The following SGPP1 variants were observed in gnomAD, a reference collection of about 807,000 sequenced individuals.
The protein encoded by SGPP1 is sphingosine-1-phosphate phosphatase 1.
A neutral mutation model predicts 33.0 loss-of-function variants in SGPP1; 21 were observed. That is an observed-to-expected ratio of 0.64 (90% confidence interval 0.45 to 0.92). SGPP1 has a LOEUF of 0.92. Among genes scored for constraint, SGPP1 ranks in the 40% least tolerant of loss-of-function variants. The pLI, the probability that SGPP1 is intolerant of heterozygous loss-of-function variation, is 0.00. For missense variants in SGPP1, 543 were observed against 589.4 expected (o/e 0.92, Z 0.81); for synonymous variants, 239 against 241.2 (o/e 0.99, Z 0.08).
At position 63,727,496 on chromosome 14, in the gene SGPP1, A is replaced by C; in HGVS notation, c.449T>G (p.Phe150Cys). 1 of 1,614,116 alleles carries C rather than the reference A, an allele frequency of 6.2e-7. No individual in the cohort carries two copies. The highest frequency in any genetic ancestry group is 2.2e-5 in the East Asian group (1 of 44,874). ...CAGAGGGTCCAGGTTCCAGATCCAG[A>C]AGGGGAAGAACAGGATGTAGAAGAG... ...NELFYILFFPFWIWNLDPLVG... is the reference protein window; with the variant it reads ...NELFYILFFPCWIWNLDPLVG... Residue 150 changes from phenylalanine (F) to cysteine (C), a missense_variant, in exon 1 of 3, where the codon TTC (phenylalanine) becomes TGC (cysteine). Transcript: ENST00000247225.
At chr14:63,719,316 A>AT (rs762038679) in intron 1 of SGPP1, among the ~76,000 whole-genome samples, 1 of 150,426 alleles carries the variant, frequency 6.6e-6, no homozygotes, top group African/African-American at 2.4e-5. Context: ...CATAAAAATT[A>AT]TTTTTTTTTA....
In SGPP1 at chr14:63,712,623, C is replaced by T. The variant is rs73265741; in HGVS notation, c.685-13965G>A. On this transcript the variant is annotated intron_variant, in intron 1 of 2. Transcript: ENST00000247225. ...AAACTATGAGTGAGGCAGACATGTG[C>T]GTATGAAAACAGAACATTTTTAATT... 8.2e-3 allele frequency among the ~76,000 whole-genome samples: 1,246 copies of T among 152,234 alleles called. 15 individuals are homozygous for T. The highest frequency in any genetic ancestry group is 0.029 in the South Asian group (142 of 4,814).
chr14:63,695,206 G>A (rs377138670), intron 2 of SGPP1, among the ~76,000 whole-genome samples: 28 of 152,110 alleles, frequency 1.8e-4, no homozygotes, highest in African/African-American at 5.5e-4. Flanking sequence ...ACAGGCGCCC[G>A]CCACCACGCC....
intron 1 of SGPP1, among the ~76,000 whole-genome samples, chr14:63,708,797 T>G (rs1885468808): frequency 6.6e-6 from 1 of 152,146 alleles, no homozygotes; most frequent in Admixed American, 6.6e-5. Context: ...TTCACCTCAT[T>G]TTATAGATGA....
At chr14:63,714,790 A>C (rs1885586743) in intron 1 of SGPP1, among the ~76,000 whole-genome samples, 1 of 150,210 alleles carries the variant, frequency 6.7e-6, no homozygotes, top group South Asian at 2.1e-4. Flanking sequence ...CCCAAGCTGG[A>C]GTATAGTGAT....
chr14:63,693,180 G>A (rs1053360424), intron 2 of SGPP1, among the ~76,000 whole-genome samples: 1 of 152,172 alleles, frequency 6.6e-6, no homozygotes, highest in Non-Finnish European at 1.5e-5. Flanking sequence ...TGATCCACCC[G>A]CCTCGGCCTC....
Position 63,728,031 on chromosome 14 carries a change from C to CG in SGPP1, c.-88_-87insC. On this transcript the variant is annotated 5_prime_UTR_variant, in exon 1 of 3. Transcript: ENST00000247225. ...TCCTGGCCAGCGGCAGCGGAACCGG[C>CG]ACAGCGCTCTACCCTCCGGAGTCTG... 1.4e-6 allele frequency: 2 copies of CG among 1,385,140 alleles called. No individual in the cohort carries two copies. Among genetic ancestry groups the CG allele is most frequent in the Non-Finnish European group, 1.9e-6 (2 of 1,065,448 alleles). 85.8% of individuals were successfully genotyped at this position (1,385,140 alleles called of 1,614,324 possible). A position where few individuals can be genotyped will look rare whatever the true frequency, so the allele number is the denominator to read the frequency against.
intron 1 of SGPP1, among the ~76,000 whole-genome samples, chr14:63,721,916 G>T (rs1885779508): frequency 6.6e-6 from 1 of 152,044 alleles, no homozygotes. Flanking sequence ...TCTTCTCAAG[G>T]TATATAAAAG....
At chr14:63,721,134 C>T (rs748829177) in intron 1 of SGPP1, among the ~76,000 whole-genome samples, 1 of 152,214 alleles carries the variant, frequency 6.6e-6, no homozygotes, top group African/African-American at 2.4e-5. Flanking sequence ...CCGTTCGTCT[C>T]GGCCTTCAAA....
At chr14:63,720,210 T>C (rs527510737) in intron 1 of SGPP1, among the ~76,000 whole-genome samples, 3 of 149,962 alleles carry the variant, frequency 2.0e-5, no homozygotes, top group Admixed American at 2.0e-4. Context: ...GGAGGATCAT[T>C]TGAGCCCAGG....
intron 1 of SGPP1, among the ~76,000 whole-genome samples, chr14:63,715,652 G>A (rs1045199148): frequency 6.6e-6 from 1 of 152,148 alleles, no homozygotes; most frequent in African/African-American, 2.4e-5. Flanking sequence ...GAGTTAAGGG[G>A]AGAAAGACTA....
intron 1 of SGPP1, among the ~76,000 whole-genome samples, chr14:63,716,778 C>T (rs1235078185): frequency 2.0e-5 from 3 of 151,908 alleles, no homozygotes; most frequent in Admixed American, 1.3e-4. Flanking sequence ...ACAGCAACCT[C>T]TGCCTCCTGG....
chr14:63,711,847 T>C lies in SGPP1; in HGVS notation c.685-13189A>G, dbSNP rs775900320. On this transcript the variant is annotated intron_variant, in intron 1 of 2. Transcript: ENST00000247225. Reference sequence around the variant, plus strand: ...GAGTTCCAGACCAGCCTGGCCAACATGGCAAAACCACATCTCTACTAAAAA... The same window carrying C: ...GAGTTCCAGACCAGCCTGGCCAACACGGCAAAACCACATCTCTACTAAAAA... Among the ~76,000 whole-genome samples, 6 of 152,132 alleles carry C rather than the reference T, an allele frequency of 3.9e-5. No individual in the cohort carries two copies. The South Asian group carries it at 6.2e-4, about 16-fold the overall frequency.
intron 2 of SGPP1, among the ~76,000 whole-genome samples, chr14:63,693,346 T>C (rs1393168976): frequency 2.6e-5 from 4 of 152,230 alleles, no homozygotes; most frequent in Admixed American, 2.6e-4. Context: ...AAGGCACAAG[T>C]CTTGGTAAAT....
In SGPP1 at chr14:63,686,335, T is replaced by TG; in HGVS notation, c.1095dup (p.Ile366HisfsTer35). The TG allele has an allele frequency of 6.2e-7, 1 of 1,614,054 alleles. No homozygotes were observed. The highest frequency in any genetic ancestry group is 8.5e-7 in the Non-Finnish European group (1 of 1,179,932). On this transcript the variant is annotated frameshift_variant, in exon 3 of 3. Coordinates refer to ENST00000247225, the MANE Select transcript of SGPP1 (RefSeq NM_030791.4). LOFTEE classifies it high-confidence loss of function. ...ACCATCCCTATGAGGATCCGCAATA[T>TG]GGCTTTTCCAAACAGAGTCACAGTA...
At chr14:63,690,906 G>C in intron 2 of SGPP1, among the ~76,000 whole-genome samples, 1 of 151,946 alleles carries the variant, frequency 6.6e-6, no homozygotes, top group East Asian at 1.9e-4. Context: ...GTACAGACAG[G>C]GTTTCACCAT....
chr14:63,721,376 G>A (rs1012656964), intron 1 of SGPP1, among the ~76,000 whole-genome samples: 3 of 151,742 alleles, frequency 2.0e-5, no homozygotes, highest in Non-Finnish European at 4.4e-5. Flanking sequence ...CACAGGAGGC[G>A]GAGGTTGTAG....
chr14:63,691,998 A>G (rs1015382812), intron 2 of SGPP1, among the ~76,000 whole-genome samples: 3 of 152,234 alleles, frequency 2.0e-5, no homozygotes, highest in African/African-American at 4.8e-5. Context: ...GAGTTAAGGT[A>G]TTCTTTAGAC....
At chr14:63,727,149 GGAAA>G in intron 1 of SGPP1, 108 bp downstream of exon 1, 2 of 1,434,136 alleles carry the variant, frequency 1.4e-6, no homozygotes, top group Admixed American at 5.6e-5. Context: ...GAAAACCTGT[GGAAA>G]GAGAGGCTTT....
Sources: gnomAD v4.1 joint callset for allele counts (sites outside exome capture counted in the v4.1 genomes callset) on GRCh38, gnomAD v4.1.1 for gene constraint, MANE v1.5 for transcripts, NCBI Gene and HGNC (gene_info 2026-07-23, HGNC 2026-07-21) for gene names.